DNAH14: variants seen among roughly 807,000 people sequenced by gnomAD.
DNAH14 encodes dynein axonemal heavy chain 14, also known as axonemal beta dynein heavy chain 14.
DNAH14 carries 478 observed loss-of-function variants against 520.9 expected under a neutral mutation model. The observed-to-expected ratio is 0.92, with a 90% confidence interval of 0.85 to 0.99. DNAH14 has a LOEUF of 0.99. DNAH14 is among the 50% of genes least tolerant of loss of function. The pLI, the probability that DNAH14 is intolerant of heterozygous loss-of-function variation, is 0.00. For synonymous variants in DNAH14, 1,581 were observed against 1,757.2 expected, an observed-to-expected ratio of 0.90 and a Z score of 2.51; for missense variants, 4,831 against 5,234.5, an observed-to-expected ratio of 0.92 and a Z score of 2.38.
rs572582007 is a variant in DNAH14, at chr1:225,012,570, C to T, written c.1107+5026C>T. ...TGAAGTGTGTTTTCCCACTGGGTTC[C>T]GTTCTCCCTGTCACTTTCAGGTACA... On this transcript the variant is annotated intron_variant, in intron 10 of 85. Coordinates refer to ENST00000682510, the MANE Select transcript of DNAH14 (RefSeq NM_001367479.1). 7.2e-5 allele frequency among the ~76,000 whole-genome samples: 11 copies of T among 152,266 alleles called. No homozygotes were observed. The South Asian group carries it at 2.1e-3, about 29-fold the overall frequency.
intron 10 of DNAH14, among the ~76,000 whole-genome samples, chr1:225,022,434 T>C (rs772906647): frequency 2.6e-5 from 4 of 152,026 alleles, no homozygotes; most frequent in Non-Finnish European, 5.9e-5. Flanking sequence ...CACTAAAAAA[T>C]GGGCAAAGGA....
intron 55 of DNAH14, among the ~76,000 whole-genome samples, chr1:225,297,402 T>C (rs1177386130): frequency 6.6e-6 from 1 of 152,166 alleles, no homozygotes; most frequent in Non-Finnish European, 1.5e-5. Context: ...TGAGCTATTG[T>C]GTTCCTTTGG....
At chr1:225,256,535 G>A (rs886551521) in intron 44 of DNAH14, among the ~76,000 whole-genome samples, 1 of 152,106 alleles carries the variant, frequency 6.6e-6, no homozygotes, top group African/African-American at 2.4e-5. Context: ...AAATCAATAT[G>A]AAGAAAACTT....
chr1:225,379,488 T>C lies in DNAH14; in HGVS notation c.12717-671T>C, dbSNP rs1286098926. Among the ~76,000 whole-genome samples the C allele has an allele frequency of 2.0e-5, 3 of 152,112 alleles. No homozygotes were observed. The East Asian group carries it at 5.8e-4, about 29-fold the overall frequency. ...ATTAGATAGATCTGTAGCTTGTTTT[T>C]CTCTTGATTTCTTTTATTTTATTTT... On this transcript the variant is annotated intron_variant, in intron 79 of 85. Transcript: ENST00000682510.
chr1:225,388,713 A>G (rs943888031), intron 82 of DNAH14, among the ~76,000 whole-genome samples: 2 of 152,210 alleles, frequency 1.3e-5, no homozygotes, highest in Non-Finnish European at 2.9e-5. Flanking sequence ...TGACTACAAC[A>G]TAGTACATTT....
At chr1:225,390,981 T>G (rs1192472442) in intron 83 of DNAH14, among the ~76,000 whole-genome samples, 1 of 152,142 alleles carries the variant, frequency 6.6e-6, no homozygotes, top group East Asian at 1.9e-4. Context: ...AGATTTGAAC[T>G]CAGCCTGACT....
At chr1:225,210,891 A>G (rs1234357969) in intron 41 of DNAH14, among the ~76,000 whole-genome samples, 1 of 152,212 alleles carries the variant, frequency 6.6e-6, no homozygotes, top group Non-Finnish European at 1.5e-5. Flanking sequence ...GCAAACTCCA[A>G]CAGACCTGCA....
intron 17 of DNAH14, among the ~76,000 whole-genome samples, chr1:225,057,861 G>A (rs1298941336): frequency 6.6e-6 from 1 of 152,194 alleles, no homozygotes; most frequent in Admixed American, 6.6e-5. Context: ...AAACAGCCTT[G>A]CATCCCAGGC....
intron 28 of DNAH14, among the ~76,000 whole-genome samples, chr1:225,141,520 G>A (rs761432236): frequency 6.6e-6 from 1 of 151,994 alleles, no homozygotes; most frequent in Non-Finnish European, 1.5e-5. Context: ...TGCAGATAAG[G>A]GGACATTACT....
chr1:225,026,950 C>T (rs920184454), intron 11 of DNAH14, among the ~76,000 whole-genome samples: 4 of 140,912 alleles, frequency 2.8e-5, no homozygotes, highest in Non-Finnish European at 6.2e-5. Context: ...TTGTGGTTTT[C>T]AGTGTATGAA....
At chr1:225,389,969 G>A in intron 83 of DNAH14, 96 bp downstream of exon 83, 4 of 1,137,878 alleles carry the variant, frequency 3.5e-6, no homozygotes, top group Non-Finnish European at 5.0e-6. Flanking sequence ...CCTTTAGGAT[G>A]ACAACACCTG....
chr1:225,205,893 A>G, intron 39 of DNAH14, 78 bp from the exon 40 acceptor site: 2 of 1,260,066 alleles, frequency 1.6e-6, no homozygotes, highest in Non-Finnish European at 2.2e-6. Flanking sequence ...GTCCTAAGTA[A>G]AATAGAAAAT....
chr1:224,985,263 A>G (rs1169270885), intron 8 of DNAH14, among the ~76,000 whole-genome samples: 2 of 152,222 alleles, frequency 1.3e-5, no homozygotes, highest in African/African-American at 2.4e-5. Flanking sequence ...TGGTATATAT[A>G]TGATGGAATA....
At chr1:225,014,340 A>G (rs934369501) in intron 10 of DNAH14, among the ~76,000 whole-genome samples, 1 of 151,916 alleles carries the variant, frequency 6.6e-6, no homozygotes, top group Non-Finnish European at 1.5e-5. Flanking sequence ...GGAAATGCAG[A>G]AATCACCCAC....
intron 74 of DNAH14, among the ~76,000 whole-genome samples, chr1:225,359,005 T>G (rs2095462951): frequency 6.6e-6 from 1 of 152,236 alleles, no homozygotes; most frequent in Non-Finnish European, 1.5e-5. Context: ...CTACTTACTT[T>G]TTAAATTACT....
chr1:225,192,905 A>G lies in DNAH14; in HGVS notation c.5880A>G (p.Leu1960=). 6.5e-7 allele frequency: 1 copy of G among 1,545,692 alleles called. No individual in the cohort carries two copies. ...GACTAAAGTCAAGAATCTCAGATTT[A>G]TCCAATGTAAGTTTAGTATTGAATG... ...DLRLKSRISD[L]SNVFKLDSSD... Residue 1960 remains leucine (L), a synonymous_variant, in exon 38 of 86, where the codon TTA becomes TTG. Coordinates refer to ENST00000682510, the MANE Select transcript of DNAH14 (RefSeq NM_001367479.1).
intron 8 of DNAH14, among the ~76,000 whole-genome samples, chr1:225,002,219 T>A (rs2063822591): frequency 6.6e-6 from 1 of 152,146 alleles, no homozygotes; most frequent in South Asian, 2.1e-4. Context: ...CTCTGCCCTT[T>A]TCTCCCCGAG....
At chr1:225,167,692 A>G (rs1373111760) in intron 35 of DNAH14, among the ~76,000 whole-genome samples, 3 of 152,206 alleles carry the variant, frequency 2.0e-5, no homozygotes, top group Non-Finnish European at 2.9e-5. Flanking sequence ...TTCTTAATCT[A>G]GGGAAGGATC....
chr1:224,964,162 C>A (rs929287335), intron 4 of DNAH14, among the ~76,000 whole-genome samples: 1 of 152,052 alleles, frequency 6.6e-6, no homozygotes, highest in African/African-American at 2.4e-5. Context: ...TCCAACTGTC[C>A]CTACCCCAGC....
Sources: allele counts gnomAD v4.1 joint callset (sites outside exome capture counted in the v4.1 genomes callset), GRCh38; gene constraint gnomAD v4.1.1; transcripts MANE v1.5; gene names NCBI Gene and HGNC (gene_info 2026-07-23, HGNC 2026-07-21).